LOX: variants seen among roughly 807,000 people sequenced by gnomAD.
LOX encodes the protein protein-lysine 6-oxidase.
LOX carries 12 observed loss-of-function variants against 50.5 expected under a neutral mutation model. That is an observed-to-expected ratio of 0.24 (90% CI 0.15 to 0.38). The LOEUF (loss-of-function observed/expected upper bound fraction) is 0.38. Among genes scored for constraint, LOX ranks in the 10% least tolerant of loss-of-function variants. The pLI, the probability that LOX is intolerant of heterozygous loss-of-function variation, is 1.00. For missense variants in LOX, 504 were observed against 563.8 expected (o/e 0.89, Z 1.07); for synonymous variants, 254 against 230.6 (o/e 1.10, Z -0.92).
rs1279391586 is a variant in LOX, at chr5:122,064,638, T to C, written c.*2105A>G. On this transcript the variant is annotated 3_prime_UTR_variant, in exon 7 of 7. Transcript: ENST00000231004. Reference sequence around the variant, plus strand: ...AAATTGAAATTTCATAGACATGTAATTTTATTCCCTAAAAATGAAATAAGA... The same window carrying C: ...AAATTGAAATTTCATAGACATGTAACTTTATTCCCTAAAAATGAAATAAGA... 1 of 152,018 alleles carries C rather than the reference T, an allele frequency of 6.6e-6. No individual in the cohort carries two copies. The highest frequency in any genetic ancestry group is 2.4e-5 in the African/African-American group (1 of 41,428). The allele number at this position is 152,018 out of a possible 1,614,324, so 9.4% of individuals were successfully genotyped here.
At position 122,070,568 on chromosome 5, in the gene LOX, C is replaced by G; in HGVS notation, c.1057G>C (p.Asp353His). 6.2e-7 allele frequency: 1 copy of G among 1,602,998 alleles called. No homozygotes were observed. Among genetic ancestry groups the G allele is most frequent in the Non-Finnish European group, 8.5e-7 (1 of 1,171,772 alleles). ...HTQGLSPGCYDTYGADIDCQW... is the reference protein window; with the variant it reads ...HTQGLSPGCYHTYGADIDCQW... ...CAGTCTATGTCTGCACCATAGGTAT[C>G]ATAACAGCCAGGACTCAATCCCTAA... The change falls in exon 5 of 7, where the codon GAT (aspartate) becomes CAT (histidine). Residue 353 changes from aspartate to histidine, a missense_variant. Coordinates refer to ENST00000231004, the MANE Select transcript of LOX (RefSeq NM_002317.7).
Position 122,077,086 on chromosome 5 carries a change from C to G in LOX, c.632-85G>C. The G allele has an allele frequency of 3.9e-6, 6 of 1,551,328 alleles. No homozygotes were observed. The highest frequency in any genetic ancestry group is 5.2e-6 in the Non-Finnish European group (6 of 1,153,052). ...TCCCTACCCCTCTAGGTCCCTTACT[C>G]CTCACCCTTCGCCCACCGGGACTGC... On this transcript the variant is annotated intron_variant, in intron 1 of 6. Transcript: ENST00000231004. The surrounding 1 kb of genome is among the most constrained non-coding windows in gnomAD (Gnocchi z 4.9).
chr5:122,075,272 A>G (rs2083242139), intron 3 of LOX, 132 bp downstream of exon 3: 1 of 796,898 alleles, frequency 1.3e-6, no homozygotes, highest in Non-Finnish European at 1.9e-6. Flanking sequence ...AATTACATAG[A>G]GAAAAATTCT....
chr5:122,069,677 C>A (rs1427605616), intron 6 of LOX, among the ~76,000 whole-genome samples: 1 of 152,044 alleles, frequency 6.6e-6, no homozygotes, highest in African/African-American at 2.4e-5. Flanking sequence ...CTTTGAAGAA[C>A]CCTAGCAATT....
In LOX at chr5:122,073,520, G is replaced by A. The variant is rs555518796; in HGVS notation, c.1035+493C>T. On this transcript the variant is annotated intron_variant, in intron 4 of 6. Transcript: ENST00000231004. ...TTCTATTTTCAGCATAAAACAGAAGGAAGGAATGGTTTCACAGGTGAAAAA... is the reference window on the plus strand; with the variant it reads ...TTCTATTTTCAGCATAAAACAGAAGAAAGGAATGGTTTCACAGGTGAAAAA... 2.6e-5 allele frequency among the ~76,000 whole-genome samples: 4 copies of A among 152,286 alleles called. No homozygotes were observed. In the South Asian group the frequency reaches 8.3e-4, roughly 32 times the overall value.
At chr5:122,074,263 G>T in intron 3 of LOX, 94 bp from the exon 4 acceptor site, 2 of 1,103,214 alleles carry the variant, frequency 1.8e-6, no homozygotes, top group Non-Finnish European at 2.6e-6. Flanking sequence ...TCACAAATTT[G>T]TTTTCACATT....
chr5:122,065,757 T>G lies in LOX; in HGVS notation c.*986A>C, dbSNP rs1209331752. The G allele has an allele frequency of 6.6e-6, 1 of 152,096 alleles. No homozygotes were observed. The highest frequency in any genetic ancestry group is 1.5e-5 in the Non-Finnish European group (1 of 67,986). 9.4% of individuals were successfully genotyped at this position (152,096 alleles called of 1,614,324 possible). ...GAAAAATCCTAAAATGTTTTTCAAT[T>G]TTTTTAAGCTATTTGAGAGACAGTT... On this transcript the variant is annotated 3_prime_UTR_variant, in exon 7 of 7. Coordinates refer to ENST00000231004, the MANE Select transcript of LOX (RefSeq NM_002317.7).
intron 4 of LOX, among the ~76,000 whole-genome samples, chr5:122,071,193 A>ATG (rs35544795): frequency 0.054 from 8,101 of 149,880 alleles, 655 homozygotes; most frequent in African/African-American, 0.18. Flanking sequence ...AAACATTTAT[A>ATG]TGTGTGTGTG....
At chr5:122,067,287 C>A (rs1027867835) in intron 6 of LOX, among the ~76,000 whole-genome samples, 3 of 151,110 alleles carry the variant, frequency 2.0e-5, no homozygotes, top group Non-Finnish European at 4.4e-5. Flanking sequence ...AATTTCCAAA[C>A]AGTAAATTCT....
chr5:122,076,589 T>C (rs924583436), intron 2 of LOX, among the ~76,000 whole-genome samples: 1 of 152,172 alleles, frequency 6.6e-6, no homozygotes, highest in South Asian at 2.1e-4. Context: ...TGAAAAGTGA[T>C]TGGAACAATT....
At chr5:122,068,717 G>A (rs748174379) in intron 6 of LOX, among the ~76,000 whole-genome samples, 3 of 151,998 alleles carry the variant, frequency 2.0e-5, no homozygotes, top group Non-Finnish European at 4.4e-5. Flanking sequence ...GTGTAATAAG[G>A]CTACAGCAGT....
rs1443211671 is a variant in LOX at position 122,077,744 on chromosome 5, T to C, written c.242A>G (p.Asn81Ser). 6.4e-7 allele frequency: 1 copy of C among 1,567,870 alleles called. No individual in the cohort carries two copies. The highest frequency in any genetic ancestry group is 8.6e-7 in the Non-Finnish European group (1 of 1,161,576). The change falls in exon 1 of 7, where the codon AAC becomes AGC. Residue 81 changes from asparagine to serine, a missense_variant. This residue lies in a region of LOX where 398 missense variants were observed against 365.8 expected (regional missense o/e 1.09). Coordinates refer to ENST00000231004, the MANE Select transcript of LOX (RefSeq NM_002317.7). The surrounding 1 kb of genome is among the most constrained non-coding windows in gnomAD (Gnocchi z 4.9). ...DPGAAVPGAA[N>S]ASAQQPRTPI... is the part of the protein sequence containing the mutation. The stretch of plus-strand genomic sequence containing the variant: ...AGTGCGGGGCTGCTGGGCGGAGGCG[T>C]TGGCTGCACCAGGGACGGCGGCGCC...
At position 122,077,644 on chromosome 5, in the gene LOX, A is replaced by G. The variant is rs752720190; in HGVS notation, c.342T>C (p.Ala114=). ...GACGGGCGGTGGGCCTGGGGCGGCC[A>G]GCGGTGACTCCAGATGAGCCGGCCG... ...TRTAGSSGVT[A]GRPRPTARHW... is the part of the protein sequence containing the mutation. Residue 114 remains alanine (A), a synonymous_variant, in exon 1 of 7, where the codon GCT becomes GCC. Transcript: ENST00000231004. This position sits in a 1 kb window ranked among gnomAD's most constrained non-coding sequence, Gnocchi z 4.9. 3 of 1,610,214 alleles carry G rather than the reference A, an allele frequency of 1.9e-6. No homozygotes were observed. The highest frequency in any genetic ancestry group is 1.7e-6 in the Non-Finnish European group (2 of 1,179,278).
In LOX at chr5:122,070,596, T is replaced by C. The variant is rs1554060819; in HGVS notation, c.1036-7A>G. The C allele has an allele frequency of 2.0e-6, 3 of 1,491,972 alleles. No individual in the cohort carries two copies. Among genetic ancestry groups the C allele is most frequent in the South Asian group, 1.2e-5 (1 of 83,862 alleles). 92.4% of individuals were successfully genotyped at this position (1,491,972 alleles called of 1,614,324 possible). ...AACAGCCAGGACTCAATCCCTAAGATAAACAAAATAAAAAATTTAAAATTA... is the reference window on the plus strand; with the variant it reads ...AACAGCCAGGACTCAATCCCTAAGACAAACAAAATAAAAAATTTAAAATTA... On this transcript the variant is annotated splice_polypyrimidine_tract_variant and splice_region_variant and intron_variant, in intron 4 of 6. Coordinates refer to ENST00000231004, the MANE Select transcript of LOX (RefSeq NM_002317.7).
chr5:122,073,986 G>T (rs1561419280), intron 4 of LOX, 27 bp downstream of exon 4: 5 of 1,599,488 alleles, frequency 3.1e-6, no homozygotes, highest in Admixed American at 1.7e-5. Flanking sequence ...GAGGCTTGAG[G>T]TTCTGGATTT....
chr5:122,069,360 T>C (rs1313038174), intron 6 of LOX, among the ~76,000 whole-genome samples: 2 of 152,036 alleles, frequency 1.3e-5, no homozygotes, highest in Non-Finnish European at 2.9e-5. Flanking sequence ...CCAGCAACAC[T>C]TGGGGAGGTA....
intron 3 of LOX, 38 bp from the exon 4 acceptor site, chr5:122,074,207 C>G (rs1754546849): frequency 6.4e-7 from 1 of 1,572,716 alleles, no homozygotes; most frequent in East Asian, 2.3e-5. Flanking sequence ...TGGTCAGTTA[C>G]ATACAGAGAA....
rs1482719607 is a variant in LOX, at chr5:122,077,543, G to A, written c.443C>T (p.Pro148Leu). 6.2e-7 allele frequency: 1 copy of A among 1,613,522 alleles called. No individual in the cohort carries two copies. The highest frequency in any genetic ancestry group is 8.5e-7 in the Non-Finnish European group (1 of 1,179,946). ...GASRAENQTA[P>L]GEVPALSNLR... ...GTTACTGAGCGCAGGAACTTCTCCCGGCGCTGTCTGGTTCTCCGCGCGCGA... is the reference window on the plus strand; with the variant it reads ...GTTACTGAGCGCAGGAACTTCTCCCAGCGCTGTCTGGTTCTCCGCGCGCGA... Residue 148 changes from proline (P) to leucine (L), a missense_variant, in exon 1 of 7, where the codon CCG becomes CTG. By Grantham distance (98) the Pro-to-Leu change is moderately conservative. This residue lies in a region of LOX where 398 missense variants were observed against 365.8 expected (regional missense o/e 1.09). Coordinates refer to ENST00000231004, the MANE Select transcript of LOX (RefSeq NM_002317.7). The surrounding 1 kb of genome is among the most constrained non-coding windows in gnomAD (Gnocchi z 4.9).
At chr5:122,075,914 A>T (rs1014630233) in intron 2 of LOX, 1 of 153,616 alleles carries the variant, frequency 6.5e-6, no homozygotes, top group Non-Finnish European at 1.4e-5. Context: ...ATCCCCCAAT[A>T]AAAAAAATAA....
Sources: gnomAD v4.1 joint callset for allele counts (sites outside exome capture counted in the v4.1 genomes callset) on GRCh38, gnomAD v4.1.1 for gene constraint, gnomAD v4.1.1 regional missense constraint, Gnocchi (gnomAD v3.1) non-coding constraint, MANE v1.5 for transcripts, NCBI Gene and HGNC (gene_info 2026-07-23, HGNC 2026-07-21) for gene names.